CHSY1: variants seen among roughly 807,000 people sequenced by gnomAD.
The protein encoded by CHSY1 is N-acetylgalactosaminyl-proteoglycan 3-beta-glucuronosyltransferase 1.
In CHSY1, 13 loss-of-function variants were observed where a neutral mutation model predicts 59.8. The ratio of observed to expected loss-of-function variants is 0.22; its 90% CI spans 0.14 to 0.35. The LOEUF is 0.35. CHSY1 is among the 10% of genes least tolerant of loss of function. CHSY1 has a pLI of 1.00. For synonymous variants in CHSY1, 459 were observed against 401.2 expected (o/e 1.14, Z -1.72); for missense variants, 947 against 1,030.6 (o/e 0.92, Z 1.11).
intron 2 of CHSY1, chr15:101,186,868 T>C (rs567971217): frequency 1.3e-5 from 2 of 152,302 alleles, no homozygotes; most frequent in South Asian, 2.1e-4. Context: ...AGTGACTGCA[T>C]TGTACTAGAC....
At chr15:101,190,842 A>G (rs1241654266) in intron 2 of CHSY1, among the ~76,000 whole-genome samples, 1 of 152,228 alleles carries the variant, frequency 6.6e-6, no homozygotes, top group East Asian at 1.9e-4. Flanking sequence ...GAAAGTCATC[A>G]TATGTCATCA....
intron 1 of CHSY1, among the ~76,000 whole-genome samples, chr15:101,242,896 C>A (rs1014745944): frequency 1.3e-4 from 20 of 152,194 alleles, no homozygotes; most frequent in African/African-American, 4.3e-4. Flanking sequence ...TATGACCTGT[C>A]CAATCTCAAA....
At chr15:101,189,764 T>G (rs2038420886) in intron 2 of CHSY1, among the ~76,000 whole-genome samples, 1 of 152,242 alleles carries the variant, frequency 6.6e-6, no homozygotes, top group Non-Finnish European at 1.5e-5. Flanking sequence ...CGTATAGCAT[T>G]TAATGAAGAA....
intron 1 of CHSY1, among the ~76,000 whole-genome samples, chr15:101,246,410 ACT>A (rs2039052756): frequency 6.6e-6 from 1 of 151,756 alleles, no homozygotes. Flanking sequence ...TAGCACAGAA[ACT>A]CTCTCAGCAA....
At chr15:101,181,401 G>A (rs1298049835) in intron 2 of CHSY1, among the ~76,000 whole-genome samples, 1 of 151,406 alleles carries the variant, frequency 6.6e-6, no homozygotes, top group African/African-American at 2.5e-5. Context: ...CAATGAACAC[G>A]AAGAACCATA....
intron 2 of CHSY1, among the ~76,000 whole-genome samples, chr15:101,181,880 TG>T (rs2038285017): frequency 6.6e-6 from 1 of 152,232 alleles, no homozygotes; most frequent in Non-Finnish European, 1.5e-5. Flanking sequence ...TACTGTTGAC[TG>T]GAAGTCTTAT....
intron 1 of CHSY1, among the ~76,000 whole-genome samples, chr15:101,250,437 T>G (rs1192691276): frequency 6.6e-6 from 1 of 152,246 alleles, no homozygotes; most frequent in Non-Finnish European, 1.5e-5. Context: ...CAATTCCAGC[T>G]GCTTTTATGA....
In CHSY1 at chr15:101,251,547, C is replaced by T. The variant is rs1433082501; in HGVS notation, c.-91G>A. On this transcript the variant is annotated 5_prime_UTR_variant, in exon 1 of 3. Transcript: ENST00000254190. ...GCCCGCGGAGGCCAGCCCGCCCTAG[C>T]GCCGCGAGGCCCGGCCCGGGCAGCG... 1.6e-5 allele frequency: 3 copies of T among 186,932 alleles called. No individual in the cohort carries two copies. Among genetic ancestry groups the T allele is most frequent in the African/African-American group, 2.5e-5 (1 of 40,760 alleles). 11.6% of individuals were successfully genotyped at this position (186,932 alleles called of 1,614,324 possible).
At chr15:101,239,077 C>T (rs1479662328) in intron 1 of CHSY1, among the ~76,000 whole-genome samples, 1 of 152,150 alleles carries the variant, frequency 6.6e-6, no homozygotes, top group Non-Finnish European at 1.5e-5. Context: ...CCATTCAAGT[C>T]GAGGAGCCCC....
chr15:101,246,476 A>C (rs1473052922), intron 1 of CHSY1, among the ~76,000 whole-genome samples: 1 of 152,062 alleles, frequency 6.6e-6, no homozygotes, highest in Non-Finnish European at 1.5e-5. Flanking sequence ...ACAAAGGGGA[A>C]CTTGTCCACC....
intron 2 of CHSY1, chr15:101,189,717 A>G (rs976846987): frequency 6.6e-6 from 1 of 152,392 alleles, no homozygotes; most frequent in Admixed American, 6.5e-5. Flanking sequence ...TTTTTGTAGA[A>G]TCTTATTCGA....
intron 2 of CHSY1, among the ~76,000 whole-genome samples, chr15:101,223,821 C>T (rs1450779485): frequency 6.6e-6 from 1 of 150,812 alleles, no homozygotes; most frequent in African/African-American, 2.5e-5. Context: ...CACTGGGACT[C>T]AGGCCTCGTC....
chr15:101,243,850 A>G (rs1191726736), intron 1 of CHSY1, among the ~76,000 whole-genome samples: 3 of 152,136 alleles, frequency 2.0e-5, no homozygotes, highest in African/African-American at 7.2e-5. Context: ...GCGCCTCTAA[A>G]TTGTGCCCAA....
chr15:101,249,047 C>G (rs371033523), intron 1 of CHSY1, among the ~76,000 whole-genome samples: 19 of 151,602 alleles, frequency 1.3e-4, no homozygotes, highest in South Asian at 8.3e-4. Flanking sequence ...TCATGATCCG[C>G]CCGCCTCGGC....
chr15:101,179,067 T>C, intron 2 of CHSY1, 87 bp from the exon 3 acceptor site: 1 of 1,301,440 alleles, frequency 7.7e-7, no homozygotes. Flanking sequence ...ATATTAGAAA[T>C]GTTTCTGAAT....
At chr15:101,236,353 C>A (rs2141276133) in intron 1 of CHSY1, among the ~76,000 whole-genome samples, 1 of 152,278 alleles carries the variant, frequency 6.6e-6, no homozygotes, top group African/African-American at 2.4e-5. Context: ...GCAGCTTCCC[C>A]CACACTGTTC....
chr15:101,243,649 G>C (rs2039024566), intron 1 of CHSY1, among the ~76,000 whole-genome samples: 1 of 152,164 alleles, frequency 6.6e-6, no homozygotes, highest in Non-Finnish European at 1.5e-5. Flanking sequence ...TGGATAAGGA[G>C]ACCAGCCTTA....
chr15:101,205,302 C>T (rs1488828408), intron 2 of CHSY1, among the ~76,000 whole-genome samples: 2 of 151,986 alleles, frequency 1.3e-5, no homozygotes, highest in African/African-American at 4.8e-5. Flanking sequence ...ATTTCCAGTG[C>T]CTCCCAGTCA....
At chr15:101,218,426 G>A (rs539282996) in intron 2 of CHSY1, among the ~76,000 whole-genome samples, 10 of 152,124 alleles carry the variant, frequency 6.6e-5, no homozygotes, top group Admixed American at 1.3e-4. Context: ...GTGAAACCCC[G>A]TCTCTACTAA....
Sources: allele counts gnomAD v4.1 joint callset (sites outside exome capture counted in the v4.1 genomes callset), GRCh38; gene constraint gnomAD v4.1.1; transcripts MANE v1.5; gene names NCBI Gene and HGNC (gene_info 2026-07-23, HGNC 2026-07-21).